Variants in UNKL observed in about 807,000 individuals in gnomAD.
UNKL encodes putative E3 ubiquitin-protein ligase UNKL.
A neutral mutation model predicts 78.0 loss-of-function variants in UNKL; 60 were observed. The observed-to-expected ratio is 0.77, with a 90% CI of 0.63 to 0.95. The LOEUF (loss-of-function observed/expected upper bound fraction) is 0.95, where lower values mean the gene tolerates loss of function less well. Ranked by LOEUF, UNKL falls within the 40% of genes least tolerant of loss-of-function variation. UNKL has a pLI of 0.00. For synonymous variants in UNKL, 608 were observed against 474.8 expected, an observed-to-expected ratio of 1.28 and a Z score of -3.65; for missense variants, 1,159 against 1,045.7, an observed-to-expected ratio of 1.11 and a Z score of -1.49.
chr16:1,397,124 G>T, intron 6 of UNKL, 54 bp downstream of exon 6: 1 of 1,521,062 alleles, frequency 6.6e-7, no homozygotes, highest in Non-Finnish European at 8.9e-7. Flanking sequence ...GAACCCCACA[G>T]CTTCTCTGGG....
chr16:1,404,230 G>A (rs1422430877), intron 2 of UNKL, among the ~76,000 whole-genome samples: 7 of 152,192 alleles, frequency 4.6e-5, no homozygotes, highest in African/African-American at 1.2e-4. Context: ...GACATGGGCC[G>A]TCACTGCAGG....
rs1214339070 is a variant in UNKL at position 1,387,178 on chromosome 16, CCTCCCAGCCATGCAACACCGGGGACA to C, written c.1087-1819_1087-1794del. On this transcript the variant is annotated intron_variant, in intron 9 of 14. Transcript: ENST00000389221. This position sits in a 1 kb window ranked among gnomAD's most constrained non-coding sequence, Gnocchi z 4.1. Reference sequence around the variant, plus strand: ...CTCCCAGCCATGCAGCACCGGGGACCCTCCCAGCCATGCAACACCGGGGACACTCCCAGCCATGCAACACCGGGGAC... The same window carrying C: ...CTCCCAGCCATGCAGCACCGGGGACCCTCCCAGCCATGCAACACCGGGGAC... Among the ~76,000 whole-genome samples the C allele has an allele frequency of 3.1e-4, 47 of 150,050 alleles. No homozygotes were observed. Among genetic ancestry groups the C allele is most frequent in the Middle Eastern group, 3.5e-3 (1 of 288 alleles).
chr16:1,369,870 G>GAC, intron 12 of UNKL: 1 of 1,403,234 alleles, frequency 7.1e-7, no homozygotes. Flanking sequence ...AGCTACTTGG[G>GAC]TGGCTGAGGC....
intron 3 of UNKL, among the ~76,000 whole-genome samples, chr16:1,402,420 C>T (rs2037567242): frequency 6.6e-6 from 1 of 151,776 alleles, no homozygotes; most frequent in African/African-American, 2.4e-5. Flanking sequence ...CCCAGAATTT[C>T]AGGAGGCCGA....
At chr16:1,398,936 T>A (rs755871681) in intron 5 of UNKL, 2 of 1,548,222 alleles carry the variant, frequency 1.3e-6, no homozygotes, top group Non-Finnish European at 1.7e-6. Flanking sequence ...GCGTCCCAGC[T>A]GCCAGCTGTG....
At chr16:1,400,016 G>A (rs990933175) in intron 4 of UNKL, among the ~76,000 whole-genome samples, 2 of 152,194 alleles carry the variant, frequency 1.3e-5, no homozygotes, top group Non-Finnish European at 2.9e-5. Flanking sequence ...CAGTGCAGGA[G>A]GTGCACGGCA....
chr16:1,379,876 C>T (rs1159969751), intron 10 of UNKL, among the ~76,000 whole-genome samples: 1 of 152,176 alleles, frequency 6.6e-6, no homozygotes, highest in Non-Finnish European at 1.5e-5. Flanking sequence ...GGCCAGAGGT[C>T]TTCAGGCAGA....
intron 2 of UNKL, among the ~76,000 whole-genome samples, chr16:1,404,764 A>C (rs2037673110): frequency 6.6e-6 from 1 of 151,982 alleles, no homozygotes; most frequent in Non-Finnish European, 1.5e-5. Context: ...CATCCACACA[A>C]CATGGTTAAT....
At chr16:1,378,582 C>A (rs1465706673) in intron 10 of UNKL, among the ~76,000 whole-genome samples, 1 of 152,212 alleles carries the variant, frequency 6.6e-6, no homozygotes, top group African/African-American at 2.4e-5. Context: ...TGTGGAGGGG[C>A]TAAGCTGCCT....
At chr16:1,386,207 G>A (rs1367620150) in intron 9 of UNKL, among the ~76,000 whole-genome samples, 4 of 152,140 alleles carry the variant, frequency 2.6e-5, no homozygotes, top group African/African-American at 7.2e-5. Context: ...TCAGGAGTTC[G>A]AGACCAGCCT....
At chr16:1,372,881 G>A (rs1357102660) in intron 10 of UNKL, among the ~76,000 whole-genome samples, 6 of 119,684 alleles carry the variant, frequency 5.0e-5, no homozygotes, top group African/African-American at 1.6e-4. Flanking sequence ...GCAGCGTGGA[G>A]CACACCACAC....
chr16:1,398,055 G>A (rs544158514), intron 5 of UNKL, among the ~76,000 whole-genome samples: 158 of 152,384 alleles, frequency 1.0e-3, no homozygotes, highest in Non-Finnish European at 1.7e-3. Flanking sequence ...CGGACGTGGA[G>A]AACGCAGGGG....
chr16:1,375,136 C>G (rs2036120520), intron 10 of UNKL, among the ~76,000 whole-genome samples: 1 of 152,224 alleles, frequency 6.6e-6, no homozygotes, highest in Non-Finnish European at 1.5e-5. Flanking sequence ...CCGAGCCCCC[C>G]AGGGCAGCCG....
At chr16:1,371,751 G>A in intron 10 of UNKL, 140 bp from the exon 11 acceptor site, 1 of 857,260 alleles carries the variant, frequency 1.2e-6, no homozygotes, top group Non-Finnish European at 1.8e-6. Context: ...GGGCAGCCAG[G>A]GAAGGACACC....
chr16:1,389,571 C>A (rs1244282216), intron 9 of UNKL, among the ~76,000 whole-genome samples: 1 of 152,122 alleles, frequency 6.6e-6, no homozygotes, highest in Non-Finnish European at 1.5e-5. Flanking sequence ...CCAGACCCTG[C>A]CTCAAAAAAT....
intron 7 of UNKL, among the ~76,000 whole-genome samples, chr16:1,393,690 G>A (rs1024833297): frequency 8.6e-5 from 13 of 151,684 alleles, no homozygotes; most frequent in African/African-American, 1.2e-4. Context: ...GAGCTGGGGC[G>A]GACAGACCCC....
intron 10 of UNKL, among the ~76,000 whole-genome samples, chr16:1,372,167 G>A (rs2035907068): frequency 6.6e-6 from 1 of 152,132 alleles, no homozygotes; most frequent in Non-Finnish European, 1.5e-5. Flanking sequence ...GGGAGGCTGA[G>A]GCGGAAGAAT....
At chr16:1,398,679 G>GCGCCCCCCC in intron 5 of UNKL, 2 of 1,356,242 alleles carry the variant, frequency 1.5e-6, no homozygotes, top group Non-Finnish European at 1.9e-6. Flanking sequence ...TGTGGGGTCT[G>GCGCCCCCCC]CACCCCCCCA....
intron 10 of UNKL, among the ~76,000 whole-genome samples, chr16:1,383,002 G>A (rs2036660305): frequency 1.3e-5 from 2 of 150,632 alleles, no homozygotes; most frequent in South Asian, 4.2e-4. Flanking sequence ...GCTCACACCT[G>A]CAACCCCAGC....
Sources: gnomAD v4.1 joint callset for allele counts (sites outside exome capture counted in the v4.1 genomes callset) on GRCh38, gnomAD v4.1.1 for gene constraint, Gnocchi (gnomAD v3.1) non-coding constraint, MANE v1.5 for transcripts, NCBI Gene and HGNC (gene_info 2026-07-23, HGNC 2026-07-21) for gene names.